The following TBC1D10B variants were observed in gnomAD, a reference collection of about 807,000 sequenced individuals.
TBC1D10B encodes the protein Rab27A-GAPbeta.
Under a neutral mutation model 78.4 loss-of-function variants are expected in TBC1D10B, and 25 were observed. The observed-to-expected ratio is 0.32, with a 90% CI of 0.23 to 0.45. TBC1D10B has a LOEUF of 0.45. TBC1D10B is among the 20% of genes least tolerant of loss of function. TBC1D10B has a pLI of 1.00. For missense variants in TBC1D10B, 996 were observed against 1,104.8 expected (o/e 0.90, Z 1.40); for synonymous variants, 517 against 478.0 (o/e 1.08, Z -1.06).
rs201094697 is a variant in TBC1D10B at position 30,359,286 on chromosome 16, G to A, written c.1528C>T (p.Arg510Trp). ...RASPLAHRHLRRQRIDPVLYM... is the reference protein window; with the variant it reads ...RASPLAHRHLWRQRIDPVLYM... ...AGCACAGGGTCAATGCGCTGCCGCC[G>A]CAGGTGGCGATGCGCCAGCGGGGAG... Residue 510 changes from arginine (R) to tryptophan (W), a missense_variant, in exon 7 of 9, where the codon CGG (arginine) becomes TGG (tryptophan). Arg to Trp is a moderately radical substitution (Grantham distance 101). Around this residue, in one of 5 missense-constraint regions of TBC1D10B, gnomAD observed 168 missense variants for 238.7 expected, o/e 0.70. Coordinates refer to ENST00000409939, the MANE Select transcript of TBC1D10B (RefSeq NM_015527.4). 17 of 1,607,000 alleles carry A rather than the reference G, an allele frequency of 1.1e-5. No individual in the cohort carries two copies. The highest frequency in any genetic ancestry group is 1.7e-5 in the Admixed American group (1 of 58,702).
Position 30,365,412 on chromosome 16 carries a change from T to C in TBC1D10B, c.1056+83A>G. ...CCCAGTGTGGTCCAGAGGGCAGATA[T>C]TATCGGCTTCCTGGGCTTCCCTGGA... On this transcript the variant is annotated intron_variant, in intron 2 of 8. Transcript: ENST00000409939. The surrounding 1 kb of genome is among the most constrained non-coding windows in gnomAD (Gnocchi z 5.0). 18 of 1,523,046 alleles carry C rather than the reference T, an allele frequency of 1.2e-5. No homozygotes were observed. In the South Asian group the frequency reaches 1.5e-4, roughly 12 times the overall value. 94.3% of individuals were successfully genotyped at this position (1,523,046 alleles called of 1,614,324 possible). A position where few individuals can be genotyped will look rare whatever the true frequency, so the allele number is the denominator to read the frequency against.
Position 30,357,719 on chromosome 16 carries a change from G to T in TBC1D10B, c.*225C>A. The stretch of plus-strand genomic sequence containing the variant: ...AGGGAACTGGGGCAGGAGCGACAGA[G>T]ACCCCAGCTGAGCCTCATGGGAGAT... On this transcript the variant is annotated 3_prime_UTR_variant, in exon 9 of 9. Transcript: ENST00000409939. 1.5e-6 allele frequency: 1 copy of T among 654,062 alleles called. No homozygotes were observed. Among genetic ancestry groups the T allele is most frequent in the Non-Finnish European group, 2.6e-6 (1 of 389,562 alleles). The allele number at this position is 654,062 out of a possible 1,614,324, so 40.5% of individuals were successfully genotyped here.
Position 30,369,312 on chromosome 16 carries a change from C to G in TBC1D10B, c.872G>C (p.Gly291Ala). The G allele has an allele frequency of 1.3e-6, 2 of 1,594,054 alleles. No individual in the cohort carries two copies. The highest frequency in any genetic ancestry group is 3.5e-5 in the Admixed American group (2 of 56,940). Residue 291 changes from glycine to alanine, a missense_variant, in exon 1 of 9, where the codon GGC becomes GCC. Gly to Ala is a moderately conservative substitution (Grantham distance 60). Around this residue, in one of 5 missense-constraint regions of TBC1D10B, gnomAD observed 448 missense variants for 442.1 expected, o/e 1.01. Transcript: ENST00000409939. The surrounding 1 kb of genome is among the most constrained non-coding windows in gnomAD (Gnocchi z 4.3). ...ESLADDVSSM[G>A]SDSEINGLAL... ...CAGCCCGTTTATCTCTGAATCTGAGCCCATGGAGCTCACATCATCCGCCAA... is the reference window on the plus strand; with the variant it reads ...CAGCCCGTTTATCTCTGAATCTGAGGCCATGGAGCTCACATCATCCGCCAA...
At chr16:30,361,113 C>T (rs904784489) in intron 4 of TBC1D10B, among the ~76,000 whole-genome samples, 5 of 152,134 alleles carry the variant, frequency 3.3e-5, no homozygotes, top group Admixed American at 6.5e-5. Flanking sequence ...GGCAAAACCC[C>T]GTCTCTACCA....
At position 30,358,576 on chromosome 16, in the gene TBC1D10B, GCA is replaced by G; in HGVS notation, c.1798-5_1798-4del. On this transcript the variant is annotated splice_region_variant and splice_polypyrimidine_tract_variant and intron_variant, in intron 8 of 8. Coordinates refer to ENST00000409939, the MANE Select transcript of TBC1D10B (RefSeq NM_015527.4). The stretch of plus-strand genomic sequence containing the variant: ...TCTGTCACCGGCAGATTGGTCACCT[GCA>G]CAGAGAGGAAATGCGTACCAGAATG... The G allele has an allele frequency of 6.3e-7, 1 of 1,596,666 alleles. No homozygotes were observed. Among genetic ancestry groups the G allele is most frequent in the Non-Finnish European group, 8.6e-7 (1 of 1,167,260 alleles).
intron 4 of TBC1D10B, among the ~76,000 whole-genome samples, chr16:30,362,865 C>T (rs1269127308): frequency 2.0e-5 from 3 of 152,046 alleles, no homozygotes; most frequent in East Asian, 1.9e-4. Flanking sequence ...GGCAAAACCC[C>T]GTCTCTAATA....
Position 30,369,209 on chromosome 16 carries a change from G to A in TBC1D10B, c.956+19C>T. On this transcript the variant is annotated intron_variant, in intron 1 of 8. Coordinates refer to ENST00000409939, the MANE Select transcript of TBC1D10B (RefSeq NM_015527.4). The surrounding 1 kb of genome is among the most constrained non-coding windows in gnomAD (Gnocchi z 4.3). The stretch of plus-strand genomic sequence containing the variant: ...TTGCTTCCCCGAGGCGGTCCCGCTG[G>A]GTGCCCACTGGTACTCACAGGCTGC... 1 of 1,549,578 alleles carries A rather than the reference G, an allele frequency of 6.5e-7. No individual in the cohort carries two copies. Among genetic ancestry groups the A allele is most frequent in the Non-Finnish European group, 8.7e-7 (1 of 1,147,770 alleles).
At chr16:30,367,205 C>A (rs1310584735) in intron 1 of TBC1D10B, 8 of 152,142 alleles carry the variant, frequency 5.3e-5, no homozygotes, top group African/African-American at 1.7e-4. Flanking sequence ...AAAAACAAAA[C>A]AAAACAAAAC....
At chr16:30,368,910 A>G (rs1485815421) in intron 1 of TBC1D10B, among the ~76,000 whole-genome samples, 3 of 152,200 alleles carry the variant, frequency 2.0e-5, no homozygotes, top group Non-Finnish European at 4.4e-5. Flanking sequence ...GACCTCAGGT[A>G]TCATCTCATT....
intron 8 of TBC1D10B, 29 bp from the exon 9 acceptor site, chr16:30,358,602 T>C (rs766778403): frequency 1.9e-6 from 3 of 1,590,370 alleles, no homozygotes; most frequent in East Asian, 4.5e-5. Context: ...CGTACCAGAA[T>C]GGAGCTGAGG....
rs748521417 is a variant in TBC1D10B, at chr16:30,358,682, T to C, written c.1778A>G (p.Glu593Gly). The C allele has an allele frequency of 6.2e-7, 1 of 1,607,812 alleles. No homozygotes were observed. Among genetic ancestry groups the C allele is most frequent in the South Asian group, 1.1e-5 (1 of 90,732 alleles). The change falls in exon 8 of 9, where the codon GAA becomes GGA. Residue 593 changes from glutamate to glycine, a missense_variant. This residue lies in a region of TBC1D10B where 168 missense variants were observed against 238.7 expected (regional missense o/e 0.70). Coordinates refer to ENST00000409939, the MANE Select transcript of TBC1D10B (RefSeq NM_015527.4). Reference sequence around the variant, plus strand: ...GCCTACCTCATGCACCAGGAAGTCTTCCTGCATGCACTGCTGGGGCAGGTT... The same window carrying C: ...GCCTACCTCATGCACCAGGAAGTCTCCCTGCATGCACTGCTGGGGCAGGTT... ...LRNLPQQCMQ[E>G]DFLVHEVTNL...
chr16:30,358,010 C>A lies in TBC1D10B; in HGVS notation c.2361G>T (p.Gly787=). ...CCCCACCATCATGGGGGCCTGGGGG[C>A]CCATCTGCCTTTCGACGCAGCGAAA... is the stretch of plus-strand genomic sequence containing the variant. The part of the protein sequence containing the change: ...RKLSLRRKAD[G]PPGPHDGGDR... Residue 787 remains glycine (G), a synonymous_variant, in exon 9 of 9, where the codon GGG becomes GGT. Transcript: ENST00000409939. The A allele has an allele frequency of 6.4e-7, 1 of 1,551,812 alleles. No homozygotes were observed. Among genetic ancestry groups the A allele is most frequent in the Non-Finnish European group, 8.7e-7 (1 of 1,147,008 alleles).
In TBC1D10B at chr16:30,358,354, C is replaced by T; in HGVS notation, c.2017G>A (p.Ala673Thr). The change falls in exon 9 of 9, where the codon GCT (alanine) becomes ACT (threonine). Residue 673 changes from alanine to threonine, a missense_variant. Around this residue, in one of 5 missense-constraint regions of TBC1D10B, gnomAD observed 285 missense variants for 252.5 expected, o/e 1.13. Transcript: ENST00000409939. ...GGCGGCGGGGACGGGGCCCCTCCAG[C>T]TGCCCGGGAGCCTCGGCTCTTGAGG... ...PGLKSRGSRAAGGAPSPPPPV... is the reference protein window; with the variant it reads ...PGLKSRGSRATGGAPSPPPPV... The T allele has an allele frequency of 6.4e-7, 1 of 1,558,358 alleles. No individual in the cohort carries two copies. Among genetic ancestry groups the T allele is most frequent in the Non-Finnish European group, 8.7e-7 (1 of 1,151,146 alleles).
intron 1 of TBC1D10B, among the ~76,000 whole-genome samples, chr16:30,368,897 G>C (rs142600721): frequency 6.6e-6 from 1 of 152,176 alleles, no homozygotes. Flanking sequence ...AAAGAGCAGG[G>C]ATGACCTCAG....
rs540942260 is a variant in TBC1D10B at position 30,358,592 on chromosome 16, C to T, written c.1798-19G>A. The T allele has an allele frequency of 1.4e-5, 23 of 1,591,224 alleles. No homozygotes were observed. In the East Asian group the frequency reaches 3.2e-4, roughly 22 times the overall value. ...TGGTCACCTGCACAGAGAGGAAATGCGTACCAGAATGGAGCTGAGGGTGGG... is the reference window on the plus strand; with the variant it reads ...TGGTCACCTGCACAGAGAGGAAATGTGTACCAGAATGGAGCTGAGGGTGGG... On this transcript the variant is annotated intron_variant, in intron 8 of 8. Coordinates refer to ENST00000409939, the MANE Select transcript of TBC1D10B (RefSeq NM_015527.4).
At chr16:30,362,174 G>C (rs140567881) in intron 4 of TBC1D10B, among the ~76,000 whole-genome samples, 3 of 151,526 alleles carry the variant, frequency 2.0e-5, no homozygotes, top group African/African-American at 7.3e-5. Context: ...TAGTAGAGAC[G>C]GGGTTTCACC....
intron 7 of TBC1D10B, 165 bp downstream of exon 7, chr16:30,359,007 T>A: frequency 8.3e-7 from 1 of 1,209,342 alleles, no homozygotes; most frequent in South Asian, 1.6e-5. Context: ...TCTGGGTTGG[T>A]GGCAGAACTA....
intron 4 of TBC1D10B, 49 bp from the exon 5 acceptor site, chr16:30,359,890 T>G: frequency 2.1e-5 from 31 of 1,477,716 alleles, no homozygotes; most frequent in Non-Finnish European, 2.8e-5. Context: ...CTGAGAGCTC[T>G]GTCCCCAAAC....
intron 4 of TBC1D10B, among the ~76,000 whole-genome samples, chr16:30,363,841 C>T (rs145228393): frequency 6.6e-6 from 1 of 152,128 alleles, no homozygotes; most frequent in African/African-American, 2.4e-5. Flanking sequence ...TCCGGCTGAC[C>T]GTGTTGGCTC....
Sources: gnomAD v4.1 joint callset for allele counts (sites outside exome capture counted in the v4.1 genomes callset) on GRCh38, gnomAD v4.1.1 for gene constraint, gnomAD v4.1.1 regional missense constraint, Gnocchi (gnomAD v3.1) non-coding constraint, MANE v1.5 for transcripts, NCBI Gene and HGNC (gene_info 2026-07-23, HGNC 2026-07-21) for gene names.